Variants in TANC1 observed in about 807,000 individuals in gnomAD.
TANC1 encodes tetratricopeptide repeat, ankyrin repeat and coiled-coil containing 1.
A neutral mutation model predicts 149.7 loss-of-function variants in TANC1; 77 were observed. The ratio of observed to expected loss-of-function variants is 0.51; its 90% CI spans 0.43 to 0.62. The LOEUF is 0.62. Among genes scored for constraint, TANC1 ranks in the 20% least tolerant of loss-of-function variants. The pLI, the probability that TANC1 is intolerant of heterozygous loss-of-function variation, is 0.00. For synonymous variants in TANC1, 854 were observed against 925.0 expected (o/e 0.92, Z 1.39); for missense variants, 1,985 against 2,321.8 (o/e 0.85, Z 2.98).
chr2:159,095,762 G>A (rs538789168), intron 3 of TANC1, among the ~76,000 whole-genome samples: 1 of 148,080 alleles, frequency 6.8e-6, no homozygotes, highest in Admixed American at 6.7e-5. Context: ...AAAAAGTAAG[G>A]CATGTACCTG....
chr2:159,074,187 C>G (rs906647536), intron 3 of TANC1, among the ~76,000 whole-genome samples: 1 of 152,214 alleles, frequency 6.6e-6, no homozygotes, highest in Non-Finnish European at 1.5e-5. Context: ...TGTTCTTGTC[C>G]TATGTTCTGG....
At chr2:159,215,996 C>A (rs1243104825) in intron 19 of TANC1, among the ~76,000 whole-genome samples, 1 of 152,170 alleles carries the variant, frequency 6.6e-6, no homozygotes, top group Non-Finnish European at 1.5e-5. Context: ...TTGAGAGTGC[C>A]TGCAGGGTGC....
At chr2:159,039,719 T>C (rs1378699195) in intron 2 of TANC1, among the ~76,000 whole-genome samples, 2 of 152,174 alleles carry the variant, frequency 1.3e-5, no homozygotes, top group African/African-American at 2.4e-5. Flanking sequence ...TGAGAGACGG[T>C]TTGTTGTGAT....
At chr2:159,164,094 C>T (rs2054329389) in intron 8 of TANC1, among the ~76,000 whole-genome samples, 1 of 152,038 alleles carries the variant, frequency 6.6e-6, no homozygotes, top group Admixed American at 6.5e-5. Context: ...ACATGCTTTA[C>T]CGAGATATGC....
chr2:159,154,499 C>T (rs1471978958), intron 7 of TANC1, among the ~76,000 whole-genome samples: 1 of 152,128 alleles, frequency 6.6e-6, no homozygotes, highest in Non-Finnish European at 1.5e-5. Context: ...GTAACCAGTA[C>T]AAGAATTTAC....
chr2:159,199,943 C>T (rs900409072), intron 19 of TANC1, among the ~76,000 whole-genome samples: 2 of 152,192 alleles, frequency 1.3e-5, no homozygotes, highest in Admixed American at 1.3e-4. Context: ...CCTTCAGAGC[C>T]TCACAGCTGT....
rs565655759 is a variant in TANC1, at chr2:158,972,288, G to C, written c.-126+3506G>C. On this transcript the variant is annotated intron_variant, in intron 1 of 26. Coordinates refer to ENST00000263635, the MANE Select transcript of TANC1 (RefSeq NM_033394.3). ...AAAAATGAACATATCATTTGCCTTT[G>C]ATCTTGGTATCTCTCAGCCTAATTG... Among the ~76,000 whole-genome samples the C allele has an allele frequency of 1.1e-3, 170 of 152,296 alleles. 2 individuals are homozygous for C. Among genetic ancestry groups the C allele is most frequent in the Non-Finnish European group, 1.9e-3 (128 of 68,020 alleles).
At chr2:159,069,359 G>A (rs923698430) in intron 3 of TANC1, among the ~76,000 whole-genome samples, 3 of 152,076 alleles carry the variant, frequency 2.0e-5, no homozygotes, top group African/African-American at 7.2e-5. Flanking sequence ...CAGGGAGAAG[G>A]CCAGATGAGG....
intron 5 of TANC1, chr2:159,148,238 G>A (rs2052357740): frequency 6.6e-6 from 1 of 152,202 alleles, no homozygotes; most frequent in Non-Finnish European, 1.5e-5. Context: ...ATCCCCTGAT[G>A]GATGCTGATT....
At position 159,198,962 on chromosome 2, in the gene TANC1, C is replaced by T; in HGVS notation, c.3166-13C>T. Reference sequence around the variant, plus strand: ...TAAGAGAACTCATTAAATCACCTTGCCACTTCTGACAGGTGGTCCAGTGCT... The same window carrying T: ...TAAGAGAACTCATTAAATCACCTTGTCACTTCTGACAGGTGGTCCAGTGCT... On this transcript the variant is annotated splice_polypyrimidine_tract_variant and intron_variant, in intron 18 of 26. Transcript: ENST00000263635. 6.2e-7 allele frequency: 1 copy of T among 1,609,444 alleles called. No individual in the cohort carries two copies. Among genetic ancestry groups the T allele is most frequent in the Non-Finnish European group, 8.5e-7 (1 of 1,175,976 alleles).
In TANC1 at chr2:159,115,174, GT is replaced by G. The variant is rs1367141706; in HGVS notation, c.259+17341del. Among the ~76,000 whole-genome samples the G allele has an allele frequency of 2.2e-3, 125 of 56,258 alleles. 1 individual carries two copies. Among genetic ancestry groups the G allele is most frequent in the African/African-American group, 0.011 (123 of 11,046 alleles). 36.9% of individuals were successfully genotyped at this position (56,258 alleles called of 152,430 possible). A position where few individuals can be genotyped will look rare whatever the true frequency, so the allele number is the denominator to read the frequency against. Reference sequence around the variant, plus strand: ...TCTCCTTTCGGAAGCTGGTAAGGGTGTGTGTGTGTGTGTGTGTGTGTGTATG... The same window carrying G: ...TCTCCTTTCGGAAGCTGGTAAGGGTGGTGTGTGTGTGTGTGTGTGTGTATG... On this transcript the variant is annotated intron_variant, in intron 4 of 26. Coordinates refer to ENST00000263635, the MANE Select transcript of TANC1 (RefSeq NM_033394.3).
At chr2:158,992,278 C>T (rs980590402) in intron 1 of TANC1, among the ~76,000 whole-genome samples, 8 of 151,490 alleles carry the variant, frequency 5.3e-5, no homozygotes, top group African/African-American at 1.7e-4. Flanking sequence ...GTGGGTGGAT[C>T]GCTTGAGCCC....
chr2:159,179,232 G>C (rs757618660), intron 14 of TANC1, 69 bp downstream of exon 14: 1 of 1,527,002 alleles, frequency 6.5e-7, no homozygotes, highest in Non-Finnish European at 8.8e-7. Context: ...GGATTTAAAT[G>C]TGATGCACGT....
At chr2:159,099,503 A>AC (rs2046456211) in intron 4 of TANC1, among the ~76,000 whole-genome samples, 2 of 152,098 alleles carry the variant, frequency 1.3e-5, no homozygotes, top group African/African-American at 4.8e-5. Flanking sequence ...TGACCAAAAA[A>AC]AAAAACAAAA....
chr2:159,179,614 A>G (rs970382897), intron 14 of TANC1, among the ~76,000 whole-genome samples: 5 of 152,048 alleles, frequency 3.3e-5, no homozygotes, highest in Non-Finnish European at 4.4e-5. Flanking sequence ...CACCCCTTGA[A>G]CATGGAGTGA....
chr2:159,183,417 A>T (rs527420814), intron 14 of TANC1, among the ~76,000 whole-genome samples: 1 of 152,328 alleles, frequency 6.6e-6, no homozygotes, highest in South Asian at 2.1e-4. Flanking sequence ...GGTGTCTGGC[A>T]TGACTCGGTG....
At chr2:159,203,193 G>T (rs1366268111) in intron 19 of TANC1, among the ~76,000 whole-genome samples, 1 of 148,958 alleles carries the variant, frequency 6.7e-6, no homozygotes, top group African/African-American at 2.4e-5. Flanking sequence ...CATCTTATTC[G>T]ATAGGCTTTT....
intron 2 of TANC1, among the ~76,000 whole-genome samples, chr2:159,040,639 T>C (rs2040557036): frequency 6.6e-6 from 1 of 152,224 alleles, no homozygotes; most frequent in Non-Finnish European, 1.5e-5. Flanking sequence ...TCTATACTGG[T>C]TATTCTAGTT....
intron 7 of TANC1, among the ~76,000 whole-genome samples, chr2:159,153,454 C>T (rs1411349082): frequency 6.6e-6 from 1 of 152,222 alleles, no homozygotes; most frequent in Admixed American, 6.5e-5. Context: ...GAGACCATGC[C>T]TCCCACTGTG....
Sources: gnomAD v4.1 joint callset for allele counts (sites outside exome capture counted in the v4.1 genomes callset) on GRCh38, gnomAD v4.1.1 for gene constraint, MANE v1.5 for transcripts, NCBI Gene and HGNC (gene_info 2026-07-23, HGNC 2026-07-21) for gene names.